Variants in L3MBTL3 observed in about 807,000 individuals in gnomAD.
L3MBTL3 encodes L3MBTL histone methyl-lysine binding protein 3.
A neutral mutation model predicts 102.3 loss-of-function variants in L3MBTL3; 27 were observed. The observed-to-expected ratio is 0.26, with a 90% CI of 0.19 to 0.36. The LOEUF (loss-of-function observed/expected upper bound fraction) is 0.36. Among genes scored for constraint, L3MBTL3 ranks in the 10% least tolerant of loss-of-function variants. The probability of loss-of-function intolerance (pLI) is 1.00; values close to 1 mark genes in which losing one functional copy is unlikely to be tolerated. For synonymous variants in L3MBTL3, 340 were observed against 320.9 expected, an observed-to-expected ratio of 1.06 and a Z score of -0.64; for missense variants, 798 against 955.3, an observed-to-expected ratio of 0.84 and a Z score of 2.17.
rs541541142 is a variant in L3MBTL3, at chr6:130,132,533, G to C, written c.1967-919G>C. Among the ~76,000 whole-genome samples, 4 of 152,316 alleles carry C rather than the reference G, an allele frequency of 2.6e-5. No individual in the cohort carries two copies. In the South Asian group the frequency reaches 8.3e-4, roughly 32 times the overall value. ...TTGAGGTGTCCTTGTAACTGAGCTG[G>C]TGTGTGAGCAGAGAGGAAATGTATG... On this transcript the variant is annotated intron_variant, in intron 20 of 22. Transcript: ENST00000361794.
At chr6:130,038,985 A>G (rs1780238255) in intron 2 of L3MBTL3, among the ~76,000 whole-genome samples, 2 of 152,182 alleles carry the variant, frequency 1.3e-5, no homozygotes, top group Non-Finnish European at 2.9e-5. Context: ...AATTAGCTGT[A>G]ATTAAAAGAA....
At chr6:130,091,865 A>AGGG (rs1442220835) in intron 16 of L3MBTL3, among the ~76,000 whole-genome samples, 4 of 152,002 alleles carry the variant, frequency 2.6e-5, no homozygotes, top group Non-Finnish European at 5.9e-5. Context: ...GAAGCATAGC[A>AGGG]GGGAGTAGGG....
At chr6:130,074,552 C>T (rs1420651949) in intron 13 of L3MBTL3, among the ~76,000 whole-genome samples, 1 of 152,228 alleles carries the variant, frequency 6.6e-6, no homozygotes, top group Non-Finnish European at 1.5e-5. Flanking sequence ...GCTGTCCTCC[C>T]GCCACTGCAG....
intron 19 of L3MBTL3, among the ~76,000 whole-genome samples, chr6:130,118,385 TTATTAA>T (rs1162023139): frequency 1.3e-5 from 2 of 152,214 alleles, no homozygotes; most frequent in African/African-American, 4.8e-5. Flanking sequence ...TGAACTTTTC[TTATTAA>T]TATTAACTGT....
At chr6:130,127,611 T>G (rs114297413) in intron 20 of L3MBTL3, among the ~76,000 whole-genome samples, 3,230 of 152,292 alleles carry the variant, frequency 0.021, 111 homozygotes, top group African/African-American at 0.073. Flanking sequence ...ACATCCTTGT[T>G]TGCTGCTTTT....
At chr6:130,067,206 CA>C (rs1187532308) in intron 11 of L3MBTL3, among the ~76,000 whole-genome samples, 6 of 152,080 alleles carry the variant, frequency 3.9e-5, no homozygotes, top group Admixed American at 3.9e-4. Context: ...CACTGCCTAG[CA>C]GGTTCAAGTG....
At chr6:130,091,621 G>C (rs1784055134) in intron 16 of L3MBTL3, among the ~76,000 whole-genome samples, 1 of 152,050 alleles carries the variant, frequency 6.6e-6, no homozygotes, top group South Asian at 2.1e-4. Flanking sequence ...CCACCAGTTG[G>C]AGGAATGGAT....
chr6:130,038,041 C>T (rs929297141), intron 2 of L3MBTL3, among the ~76,000 whole-genome samples: 1 of 151,980 alleles, frequency 6.6e-6, no homozygotes, highest in African/African-American at 2.4e-5. Context: ...TCTTTCTGAG[C>T]CTACCTTCTT....
At chr6:130,060,439 T>G (rs1781813960) in intron 10 of L3MBTL3, among the ~76,000 whole-genome samples, 1 of 151,734 alleles carries the variant, frequency 6.6e-6, no homozygotes, top group African/African-American at 2.4e-5. Context: ...GCCCTTGCCA[T>G]AAGGAATAGA....
In L3MBTL3 at chr6:130,109,803, C is replaced by G. The variant is rs546732782; in HGVS notation, c.1886+5228C>G. ...GCCCATGCCTATGTCCTGAATGGTA[C>G]TGCCTATGTTTTCTTCTAGGGTTTT... is the stretch of plus-strand genomic sequence containing the variant. On this transcript the variant is annotated intron_variant, in intron 19 of 22. Transcript: ENST00000361794. Among the ~76,000 whole-genome samples, 11 of 152,162 alleles carry G rather than the reference C, an allele frequency of 7.2e-5. No homozygotes were observed. In the East Asian group the frequency reaches 2.1e-3, roughly 29 times the overall value.
At chr6:130,048,751 G>C (rs1214239066) in intron 3 of L3MBTL3, among the ~76,000 whole-genome samples, 1 of 152,152 alleles carries the variant, frequency 6.6e-6, no homozygotes, top group Non-Finnish European at 1.5e-5. Context: ...TCAGCCTTCT[G>C]TGCTCACTTC....
chr6:130,076,359 C>A (rs188802037), intron 13 of L3MBTL3, among the ~76,000 whole-genome samples: 6 of 152,266 alleles, frequency 3.9e-5, no homozygotes, highest in East Asian at 3.9e-4. Flanking sequence ...GAATCCCTTT[C>A]TTTTCTACCC....
chr6:130,128,186 G>A (rs1207554313), intron 20 of L3MBTL3, among the ~76,000 whole-genome samples: 3 of 152,088 alleles, frequency 2.0e-5, no homozygotes, highest in African/African-American at 4.8e-5. Flanking sequence ...CTTTAGTAGT[G>A]ATTAGGGTTA....
In L3MBTL3 at chr6:130,042,666, C is replaced by T. The variant is rs2114692042; in HGVS notation, c.-15-19C>T. The T allele has an allele frequency of 7.3e-7, 1 of 1,365,600 alleles. No homozygotes were observed. Among genetic ancestry groups the T allele is most frequent in the South Asian group, 1.2e-5 (1 of 85,668 alleles). 84.6% of individuals were successfully genotyped at this position (1,365,600 alleles called of 1,614,324 possible). ...TCCATGTGGAATATTTAGTGATATGCCTTCTTTTCCCCTTTCAGGTTAAAA... is the reference window on the plus strand; with the variant it reads ...TCCATGTGGAATATTTAGTGATATGTCTTCTTTTCCCCTTTCAGGTTAAAA... On this transcript the variant is annotated intron_variant, in intron 2 of 22. Coordinates refer to ENST00000361794, the MANE Select transcript of L3MBTL3 (RefSeq NM_032438.4).
Position 130,052,957 on chromosome 6 carries a change from C to A in L3MBTL3, c.548C>A (p.Thr183Asn), listed in dbSNP as rs9388768. The A allele has an allele frequency of 0.65, 1,041,553 of 1,611,926 alleles. 346,134 individuals carry two copies. The highest frequency in any genetic ancestry group is 0.73 in the East Asian group (32,608 of 44,854). Residue 183 changes from threonine to asparagine, a missense_variant, in exon 7 of 23, where the codon ACC becomes AAC. Thr to Asn is a moderately conservative substitution (Grantham distance 65). Transcript: ENST00000361794. Reference protein sequence around the residue: ...KKPKLSLKADTKEDGEERDDE... With the variant: ...KKPKLSLKADNKEDGEERDDE... ...CCAAAATTATCTCTGAAAGCTGACA[C>A]CAAGGAGGATGGAGAAGAGAGAGAT...
Position 130,060,121 on chromosome 6 carries a change from G to A in L3MBTL3, c.845G>A (p.Cys282Tyr). The A allele has an allele frequency of 6.2e-7, 1 of 1,605,376 alleles. No individual in the cohort carries two copies. Among genetic ancestry groups the A allele is most frequent in the South Asian group, 1.1e-5 (1 of 89,778 alleles). The change falls in exon 10 of 23, where the codon TGT becomes TAT. Residue 282 changes from cysteine (C) to tyrosine (Y), a missense_variant. Around this residue, in one of 4 missense-constraint regions of L3MBTL3, gnomAD observed 434 missense variants for 506.6 expected, o/e 0.86. Transcript: ENST00000361794. ...GATCCTGAGCATCAGTCTGTGTACT[G>A]TGTCCTCACCGTCGCGGAGGTAAGC... ...GVDPEHQSVYCVLTVAEVCGY... is the reference protein window; with the variant it reads ...GVDPEHQSVYYVLTVAEVCGY...
chr6:130,028,036 C>A (rs892408061), intron 2 of L3MBTL3, among the ~76,000 whole-genome samples: 17 of 150,798 alleles, frequency 1.1e-4, no homozygotes, highest in Non-Finnish European at 5.9e-5. Context: ...TGCCATAGGC[C>A]CATTAATGTC....
chr6:130,082,141 G>C (rs967848277), intron 14 of L3MBTL3, among the ~76,000 whole-genome samples: 6 of 152,142 alleles, frequency 3.9e-5, no homozygotes, highest in African/African-American at 1.4e-4. Context: ...GATGGATCAA[G>C]ATGGTGTTTG....
At position 130,101,538 on chromosome 6, in the gene L3MBTL3, A is replaced by G. The variant is rs191819349; in HGVS notation, c.1737-2888A>G. Among the ~76,000 whole-genome samples the G allele has an allele frequency of 2.2e-4, 33 of 152,180 alleles. No homozygotes were observed. In the East Asian group the frequency reaches 5.4e-3, roughly 25 times the overall value. ...TCAGATGCTGCCATCCGGGCTTTCC[A>G]TCTTGAGGAATGAGGTGAAGGCAGG... On this transcript the variant is annotated intron_variant, in intron 18 of 22. Coordinates refer to ENST00000361794, the MANE Select transcript of L3MBTL3 (RefSeq NM_032438.4).
Sources: allele counts gnomAD v4.1 joint callset (sites outside exome capture counted in the v4.1 genomes callset), GRCh38; gene constraint gnomAD v4.1.1; regional missense constraint gnomAD v4.1.1; transcripts MANE v1.5; gene names NCBI Gene and HGNC (gene_info 2026-07-23, HGNC 2026-07-21).